WRAP73: variants seen among roughly 807,000 people sequenced by gnomAD.
WRAP73 encodes the protein WD repeat containing, antisense to TP73.
Under a neutral mutation model 59.6 loss-of-function variants are expected in WRAP73, and 55 were observed. That is an observed-to-expected ratio of 0.92 (90% CI 0.74 to 1.15). The LOEUF (loss-of-function observed/expected upper bound fraction) is 1.15, where lower values mean the gene tolerates loss of function less well. Ranked by LOEUF, WRAP73 falls within the 50% of genes most tolerant of loss-of-function variation. The pLI is 0.00. For missense variants in WRAP73, 592 were observed against 608.1 expected, an observed-to-expected ratio of 0.97 and a Z score of 0.28; for synonymous variants, 265 against 258.2, an observed-to-expected ratio of 1.03 and a Z score of -0.25.
Position 3,631,993 on chromosome 1 carries a change from G to C in WRAP73, c.1048+220C>G, listed in dbSNP as rs988928748. On this transcript the variant is annotated intron_variant, in intron 10 of 11. Transcript: ENST00000270708. ...CTCAGCAGAGTGGAGCAAGTGAGCAGGGTGGAGGCCTCCTGACTCATGCGC... is the reference window on the plus strand; with the variant it reads ...CTCAGCAGAGTGGAGCAAGTGAGCACGGTGGAGGCCTCCTGACTCATGCGC... The C allele has an allele frequency of 2.8e-6, 4 of 1,435,202 alleles. No individual in the cohort carries two copies. In the African/African-American group the frequency reaches 4.3e-5, roughly 15 times the overall value. The allele number at this position is 1,435,202 out of a possible 1,614,324, so 88.9% of individuals were successfully genotyped here.
intron 8 of WRAP73, 147 bp from the exon 9 acceptor site, chr1:3,633,650 C>T (rs866760431): frequency 1.0e-4 from 67 of 638,376 alleles, no homozygotes; most frequent in Middle Eastern, 4.3e-4. Context: ...GACGGAAGCA[C>T]GAACCCCGCA....
At chr1:3,634,891 G>C (rs1644574359) in intron 8 of WRAP73, 106 bp downstream of exon 8, 2 of 1,315,772 alleles carry the variant, frequency 1.5e-6, no homozygotes, top group South Asian at 1.2e-5. Context: ...TGATGGAAGT[G>C]CCCGGTTAAA....
intron 5 of WRAP73, 78 bp downstream of exon 5, chr1:3,636,917 G>C: frequency 7.1e-7 from 1 of 1,410,566 alleles, no homozygotes; most frequent in Non-Finnish European, 9.9e-7. Context: ...AGATCCCCTG[G>C]AATCTGGAAG....
chr1:3,633,689 C>T, intron 8 of WRAP73, 186 bp from the exon 9 acceptor site: 1 of 569,834 alleles, frequency 1.8e-6, no homozygotes, highest in Non-Finnish European at 3.1e-6. Context: ...ACCCAGCCAC[C>T]CTCTCTCGTG....
chr1:3,637,212 G>C, intron 4 of WRAP73, 114 bp from the exon 5 acceptor site: 1 of 917,436 alleles, frequency 1.1e-6, no homozygotes, highest in Non-Finnish European at 1.7e-6. Flanking sequence ...TGAAAAGAAG[G>C]GAAATGGCAC....
chr1:3,635,347 A>C (rs569920135), intron 6 of WRAP73, 53 bp from the exon 7 acceptor site: 2 of 1,606,494 alleles, frequency 1.2e-6, no homozygotes, highest in East Asian at 4.5e-5. Context: ...CGCCAGGAAC[A>C]CACCACAGAC....
At position 3,638,839 on chromosome 1, in the gene WRAP73, G is replaced by C. The variant is rs1000133295; in HGVS notation, c.340-17C>G. On this transcript the variant is annotated splice_polypyrimidine_tract_variant and intron_variant, in intron 3 of 11. Coordinates refer to ENST00000270708, the MANE Select transcript of WRAP73 (RefSeq NM_017818.4). Reference sequence around the variant, plus strand: ...TATCCGCAGCTGTTGGGGGAAAGGGGAAAGAGAAAGGAAACACTTCTTTAG... The same window carrying C: ...TATCCGCAGCTGTTGGGGGAAAGGGCAAAGAGAAAGGAAACACTTCTTTAG... 1 of 1,613,428 alleles carries C rather than the reference G, an allele frequency of 6.2e-7. No individual in the cohort carries two copies. Among genetic ancestry groups the C allele is most frequent in the African/African-American group, 1.3e-5 (1 of 74,940 alleles).
At position 3,646,870 on chromosome 1, in the gene WRAP73, C is replaced by A; in HGVS notation, c.223-88G>T. On this transcript the variant is annotated intron_variant, in intron 2 of 11. Transcript: ENST00000270708. The surrounding 1 kb of genome is among the most constrained non-coding windows in gnomAD (Gnocchi z 5.1). ...ACAGCTCGCTTAAACGCAGCGGAGA[C>A]CCGACCGCACAGGGTGTCTTCAAAC... The A allele has an allele frequency of 9.1e-7, 1 of 1,103,612 alleles. No individual in the cohort carries two copies. Among genetic ancestry groups the A allele is most frequent in the Non-Finnish European group, 1.3e-6 (1 of 742,412 alleles). 68.4% of individuals were successfully genotyped at this position (1,103,612 alleles called of 1,614,324 possible).
chr1:3,634,729 A>G, intron 8 of WRAP73: 1 of 494,836 alleles, frequency 2.0e-6, no homozygotes, highest in Non-Finnish European at 3.7e-6. Context: ...GCATCCAGAC[A>G]GACCACAAAG....
chr1:3,635,443 CTAGTACTGAGA>C (rs1644580872), intron 6 of WRAP73, 149 bp from the exon 7 acceptor site: 33 of 1,046,438 alleles, frequency 3.2e-5, no homozygotes, highest in Middle Eastern at 3.1e-4. Context: ...GAACTGCCAG[CTAGTACTGAGA>C]TAGTCACGGA....
At position 3,649,967 on chromosome 1, in the gene WRAP73, G is replaced by C; in HGVS notation, c.33C>G (p.Ser11Arg). The C allele has an allele frequency of 6.2e-7, 1 of 1,603,930 alleles. No homozygotes were observed. The highest frequency in any genetic ancestry group is 8.5e-7 in the Non-Finnish European group (1 of 1,176,466). MNFSEVFKLS[S>R]LLCKFSPDGK... ...CGTCCGGGGAGAACTTGCAGAGTAA[G>C]CTGGAGAGCTTGAATACCTCGGAGA... The change falls in exon 1 of 12, where the codon AGC becomes AGG. Residue 11 changes from serine to arginine, a missense_variant. Physicochemically the swap from Ser to Arg is moderately radical, Grantham distance 110 (BLOSUM62 -1). Coordinates refer to ENST00000270708, the MANE Select transcript of WRAP73 (RefSeq NM_017818.4).
chr1:3,631,500 T>TGGGGACCACAGGCGG lies in WRAP73; in HGVS notation c.1205_1206insCCGCCTGTGGTCCCC (p.Pro402_Ala403insArgLeuTrpSerPro). ...GCACCTGCACCGACATGCAGCCCGC[T>TGGGGACCACAGGCGG]GGGGACCACAGGTAGAGCCTGCTGC... On this transcript the variant is annotated inframe_insertion, in exon 11 of 12. Transcript: ENST00000270708. The TGGGGACCACAGGCGG allele has an allele frequency of 6.2e-7, 1 of 1,608,688 alleles. No individual in the cohort carries two copies. The highest frequency in any genetic ancestry group is 8.5e-7 in the Non-Finnish European group (1 of 1,178,030).
chr1:3,646,988 A>G lies in WRAP73; in HGVS notation c.223-206T>C, dbSNP rs1644698660. ...CACAGGGTGTCTTTTAGAACCTTTCATGATGAAGGGCTGGTGCTGGATTCC... is the reference window on the plus strand; with the variant it reads ...CACAGGGTGTCTTTTAGAACCTTTCGTGATGAAGGGCTGGTGCTGGATTCC... On this transcript the variant is annotated intron_variant, in intron 2 of 11. Transcript: ENST00000270708. This position sits in a 1 kb window ranked among gnomAD's most constrained non-coding sequence, Gnocchi z 5.1. Among the ~76,000 whole-genome samples, 1 of 152,220 alleles carries G rather than the reference A, an allele frequency of 6.6e-6. No homozygotes were observed. The highest frequency in any genetic ancestry group is 1.5e-5 in the Non-Finnish European group (1 of 68,040).
At chr1:3,631,356 T>G (rs535539271) in intron 11 of WRAP73, 110 bp downstream of exon 11, 3 of 1,421,460 alleles carry the variant, frequency 2.1e-6, no homozygotes, top group South Asian at 1.3e-5. Context: ...GAGGGCAGTT[T>G]CCCTGGAGTG....
At chr1:3,633,179 G>C (rs1644555032) in intron 9 of WRAP73, 1 of 533,912 alleles carries the variant, frequency 1.9e-6, no homozygotes, top group South Asian at 2.1e-5. Flanking sequence ...GGGTCTCCAG[G>C]GCTCATATTC....
Position 3,630,910 on chromosome 1 carries a change from CTG to C in WRAP73, c.*63_*64del, listed in dbSNP as rs752794336. On this transcript the variant is annotated 3_prime_UTR_variant, in exon 12 of 12. Transcript: ENST00000270708. ...CACAGTGGAGAACCTCCTGGTGAAG[CTG>C]TGTTTTTTCCCACACTGGAAACACA... 59 of 1,559,932 alleles carry C rather than the reference CTG, an allele frequency of 3.8e-5. No individual in the cohort carries two copies. The highest frequency in any genetic ancestry group is 2.4e-4 in the South Asian group (20 of 83,922).
chr1:3,638,894 C>A, intron 3 of WRAP73, 72 bp from the exon 4 acceptor site: 1 of 1,563,054 alleles, frequency 6.4e-7, no homozygotes, highest in Non-Finnish European at 8.8e-7. Context: ...AATCCTCAAC[C>A]CGCCCACGCG....
At chr1:3,643,567 T>TG (rs531344259) in intron 3 of WRAP73, among the ~76,000 whole-genome samples, 1 of 138,914 alleles carries the variant, frequency 7.2e-6, no homozygotes, top group Non-Finnish European at 1.6e-5. Flanking sequence ...GCGGCCCCAC[T>TG]AACCCCCGAA....
At position 3,636,622 on chromosome 1, in the gene WRAP73, C is replaced by A. The variant is rs536370207; in HGVS notation, c.516+373G>T. 11 of 369,760 alleles carry A rather than the reference C, an allele frequency of 3.0e-5. No homozygotes were observed. The East Asian group carries it at 7.6e-4, about 25-fold the overall frequency. 22.9% of individuals were successfully genotyped at this position (369,760 alleles called of 1,614,324 possible). On this transcript the variant is annotated intron_variant, in intron 5 of 11. Transcript: ENST00000270708. ...CATATGTCTGCTGTGGGGGCAGTGC[C>A]CTCTGTGCCTGGGCACCTGGCAGAG...
Sources: allele counts gnomAD v4.1 joint callset (sites outside exome capture counted in the v4.1 genomes callset), GRCh38; gene constraint gnomAD v4.1.1; non-coding constraint Gnocchi (gnomAD v3.1); transcripts MANE v1.5; gene names NCBI Gene and HGNC (gene_info 2026-07-23, HGNC 2026-07-21).